The following UBASH3B variants were observed in gnomAD, a reference collection of about 807,000 sequenced individuals.
The protein encoded by UBASH3B is ubiquitin-associated and SH3 domain-containing protein B.
In UBASH3B, 37 loss-of-function variants were observed where a neutral mutation model predicts 83.4. The observed-to-expected ratio is 0.44, with a 90% CI of 0.34 to 0.58. The LOEUF is 0.58. Among genes scored for constraint, UBASH3B ranks in the 20% least tolerant of loss-of-function variants. The pLI is 0.01. For missense variants in UBASH3B, 657 were observed against 827.2 expected (o/e 0.79, Z 2.52); for synonymous variants, 304 against 318.3 (o/e 0.96, Z 0.48).
In UBASH3B at chr11:122,796,947, G is replaced by A. The variant is rs767275622; in HGVS notation, c.1271G>A (p.Ser424Asn). The A allele has an allele frequency of 6.2e-6, 10 of 1,614,026 alleles. No homozygotes were observed. In the Admixed American group the frequency reaches 1.0e-4, roughly 16 times the overall value. ...CGCACCAACCTGAACATGCCTCATAGTTTACCTCAGCGGAGTGGTGGTTTC... is the reference window on the plus strand; with the variant it reads ...CGCACCAACCTGAACATGCCTCATAATTTACCTCAGCGGAGTGGTGGTTTC... ...YIRTNLNMPH[S>N]LPQRSGGFRD... The change falls in exon 9 of 14, where the codon AGT becomes AAT. Residue 424 changes from serine to asparagine, a missense_variant. This residue lies in a region of UBASH3B where 573 missense variants were observed against 739.0 expected (regional missense o/e 0.78). Coordinates refer to ENST00000284273, the MANE Select transcript of UBASH3B (RefSeq NM_032873.5).
chr11:122,722,076 T>G (rs1449431400), intron 1 of UBASH3B, among the ~76,000 whole-genome samples: 10 of 152,220 alleles, frequency 6.6e-5, no homozygotes, highest in Non-Finnish European at 1.5e-5. Flanking sequence ...CCCAGGGCCC[T>G]GCAACCTTTT....
chr11:122,656,343 C>A lies in UBASH3B; in HGVS notation c.161+133C>A, dbSNP rs1863363135. On this transcript the variant is annotated intron_variant, in intron 1 of 13. Transcript: ENST00000284273. ...CCCGCTGCCCGAGACCTGTTGGGGG[C>A]GGGATGGGCGCGCTGGCAACCCGGG... The A allele has an allele frequency of 6.4e-6, 6 of 943,380 alleles. No individual in the cohort carries two copies. The East Asian group carries it at 1.4e-4, about 22-fold the overall frequency. The allele number at this position is 943,380 out of a possible 1,614,324, so 58.4% of individuals were successfully genotyped here.
At chr11:122,771,232 CT>C (rs35821226) in intron 1 of UBASH3B, among the ~76,000 whole-genome samples, 103,482 of 135,488 alleles carry the variant, frequency 0.76, 40,751 homozygotes, top group Non-Finnish European at 0.88. Context: ...TCTTACTTTG[CT>C]TTTTTTTTTT....
At chr11:122,765,521 G>A (rs907025937) in intron 1 of UBASH3B, among the ~76,000 whole-genome samples, 26 of 152,310 alleles carry the variant, frequency 1.7e-4, no homozygotes, top group African/African-American at 6.0e-4. Flanking sequence ...TGGCCTGGCT[G>A]CTTGCTCACA....
chr11:122,714,413 C>G (rs955020225), intron 1 of UBASH3B, among the ~76,000 whole-genome samples: 1 of 152,218 alleles, frequency 6.6e-6, no homozygotes, highest in Non-Finnish European at 1.5e-5. Context: ...TTCTCAAAAT[C>G]TCATATTTAG....
intron 1 of UBASH3B, among the ~76,000 whole-genome samples, chr11:122,670,802 G>C (rs538523275): frequency 6.6e-6 from 1 of 151,954 alleles, no homozygotes; most frequent in South Asian, 2.1e-4. Flanking sequence ...GAGCTCTGTT[G>C]CCCAGGCTGG....
intron 1 of UBASH3B, among the ~76,000 whole-genome samples, chr11:122,666,515 T>G (rs1478836436): frequency 6.6e-6 from 1 of 151,802 alleles, no homozygotes; most frequent in Non-Finnish European, 1.5e-5. Flanking sequence ...GCCTCCCGGG[T>G]TCAAACAATT....
intron 1 of UBASH3B, among the ~76,000 whole-genome samples, chr11:122,744,333 CTGTA>C (rs1323132461): frequency 6.6e-6 from 1 of 152,124 alleles, no homozygotes; most frequent in African/African-American, 2.4e-5. Flanking sequence ...GTAGGTGTGA[CTGTA>C]TGAGCATGTG....
At chr11:122,729,815 A>AAAAAC (rs1565544276) in intron 1 of UBASH3B, among the ~76,000 whole-genome samples, 49 of 145,734 alleles carry the variant, frequency 3.4e-4, no homozygotes, top group African/African-American at 1.3e-3. Context: ...AAAAAAAAAA[A>AAAAAC]AAAACCCTAA....
chr11:122,766,402 A>G (rs1230890500), intron 1 of UBASH3B, among the ~76,000 whole-genome samples: 1 of 152,140 alleles, frequency 6.6e-6, no homozygotes, highest in African/African-American at 2.4e-5. Context: ...AAAATTAGCC[A>G]GGCGAGGTAG....
chr11:122,776,227 C>G lies in UBASH3B; in HGVS notation c.170C>G (p.Ala57Gly). 2 of 1,610,318 alleles carry G rather than the reference C, an allele frequency of 1.2e-6. No individual in the cohort carries two copies. Among genetic ancestry groups the G allele is most frequent in the Non-Finnish European group, 1.7e-6 (2 of 1,178,670 alleles). Reference sequence around the variant, plus strand: ...TTGATTTCTTCTTTCAGACAAAAAGCCTTGGCATCCACGGGAGGAAGAAGT... The same window carrying G: ...TTGATTTCTTCTTTCAGACAAAAAGGCTTGGCATCCACGGGAGGAAGAAGT... ...MGFPRARAQK[A>G]LASTGGRSVQ... The change falls in exon 2 of 14, where the codon GCC (alanine) becomes GGC (glycine). Residue 57 changes from alanine to glycine, a missense_variant. This residue lies in a region of UBASH3B where 6 missense variants were observed against 19.9 expected (regional missense o/e 0.30). Coordinates refer to ENST00000284273, the MANE Select transcript of UBASH3B (RefSeq NM_032873.5).
chr11:122,797,205 C>A (rs953985086), intron 9 of UBASH3B, 172 bp downstream of exon 9: 34 of 919,644 alleles, frequency 3.7e-5, no homozygotes, highest in Admixed American at 3.3e-5. Flanking sequence ...CTGTGCTCAG[C>A]CCTGGGTTGG....
In UBASH3B at chr11:122,655,777, G is replaced by A; in HGVS notation, c.-273G>A. 2.5e-6 allele frequency: 1 copy of A among 402,636 alleles called. No homozygotes were observed. The highest frequency in any genetic ancestry group is 4.4e-6 in the Non-Finnish European group (1 of 225,948). 24.9% of individuals were successfully genotyped at this position (402,636 alleles called of 1,614,324 possible). On this transcript the variant is annotated 5_prime_UTR_variant, in exon 1 of 14. Transcript: ENST00000284273. ...GAGGGAAGGGGGCGGAGGAGACAGG[G>A]CTACTGCAGGCGCAGAGCTGGGGGC...
chr11:122,660,671 G>T (rs1863427276), intron 1 of UBASH3B, among the ~76,000 whole-genome samples: 1 of 152,206 alleles, frequency 6.6e-6, no homozygotes. Context: ...GTAGCTTGGG[G>T]CTGATGCTGG....
chr11:122,754,183 C>T (rs1269219684), intron 1 of UBASH3B, among the ~76,000 whole-genome samples: 1 of 152,180 alleles, frequency 6.6e-6, no homozygotes, highest in Non-Finnish European at 1.5e-5. Context: ...CAATTGCTAA[C>T]AAAGACAAAT....
At chr11:122,782,991 A>C (rs1367719127) in intron 4 of UBASH3B, 62 bp from the exon 5 acceptor site, 3 of 1,545,704 alleles carry the variant, frequency 1.9e-6, no homozygotes, top group Non-Finnish European at 2.6e-6. Context: ...CCTTTCCTTA[A>C]GTCTTCACCA....
At chr11:122,729,371 C>G (rs527952503) in intron 1 of UBASH3B, among the ~76,000 whole-genome samples, 1 of 152,274 alleles carries the variant, frequency 6.6e-6, no homozygotes, top group South Asian at 2.1e-4. Context: ...GAGCCACACA[C>G]TGGGGCTTTC....
intron 7 of UBASH3B, 83 bp from the exon 8 acceptor site, chr11:122,796,073 A>G: frequency 6.4e-7 from 1 of 1,567,640 alleles, no homozygotes; most frequent in Non-Finnish European, 8.7e-7. Context: ...TTGGTAGTAG[A>G]GCTCAGCTCA....
Position 122,796,891 on chromosome 11 carries a change from C to G in UBASH3B, c.1235-20C>G. On this transcript the variant is annotated intron_variant, in intron 8 of 13. Transcript: ENST00000284273. ...AACAAGAAATGTATGTATCCTCTGT[C>G]TAACCTCTTTGTTTTTCAGGCCGCT... The G allele has an allele frequency of 6.2e-7, 1 of 1,614,170 alleles. No individual in the cohort carries two copies. Among genetic ancestry groups the G allele is most frequent in the Non-Finnish European group, 8.5e-7 (1 of 1,180,022 alleles).
Sources: gnomAD v4.1 joint callset for allele counts (sites outside exome capture counted in the v4.1 genomes callset) on GRCh38, gnomAD v4.1.1 for gene constraint, gnomAD v4.1.1 regional missense constraint, MANE v1.5 for transcripts, NCBI Gene and HGNC (gene_info 2026-07-23, HGNC 2026-07-21) for gene names.